FYB1: variants seen among roughly 807,000 people sequenced by gnomAD.
The protein encoded by FYB1 is FYN-binding protein 1.
In FYB1, 41 loss-of-function variants were observed where a neutral mutation model predicts 94.1. The observed-to-expected ratio is 0.44, with a 90% CI of 0.34 to 0.57. The LOEUF is 0.57. Ranked by LOEUF, FYB1 falls within the 20% of genes least tolerant of loss-of-function variation. The probability of loss-of-function intolerance (pLI) is 0.02; values close to 1 mark genes in which losing one functional copy is unlikely to be tolerated. For synonymous variants in FYB1, 367 were observed against 353.2 expected, an observed-to-expected ratio of 1.04 and a Z score of -0.44; for missense variants, 1,050 against 976.8, an observed-to-expected ratio of 1.07 and a Z score of -1.00.
In FYB1 at chr5:39,135,126, A is replaced by G. The variant is rs1741568959; in HGVS notation, c.1516-112T>C. 7.3e-5 allele frequency: 84 copies of G among 1,155,332 alleles called. No individual in the cohort carries two copies. The South Asian group carries it at 1.2e-3, about 16-fold the overall frequency. 71.6% of individuals were successfully genotyped at this position (1,155,332 alleles called of 1,614,324 possible). ...CAACTTGCTAAGCTACCTATAACCA[A>G]CATTTACAGGGTTTAACCAGAAATT... On this transcript the variant is annotated intron_variant, in intron 7 of 18. Transcript: ENST00000512982.
chr5:39,129,876 C>T (rs554796471), intron 10 of FYB1, among the ~76,000 whole-genome samples: 1 of 151,964 alleles, frequency 6.6e-6, no homozygotes, highest in South Asian at 2.1e-4. Context: ...AAAAATAGAA[C>T]TATCATGCAA....
At chr5:39,142,793 A>C (rs774570445) in intron 3 of FYB1, among the ~76,000 whole-genome samples, 1 of 152,200 alleles carries the variant, frequency 6.6e-6, no homozygotes, top group Non-Finnish European at 1.5e-5. Flanking sequence ...ATTCTTAAAA[A>C]TACTAGCTAC....
rs1346559793 is a variant in FYB1, at chr5:39,110,404, G to A, written c.2402-15C>T. ...GACATAACCATCTACGAAGGAAAAA[G>A]GAAATAAATTGTATCAATAATACAG... On this transcript the variant is annotated splice_polypyrimidine_tract_variant and intron_variant, in intron 16 of 18. Transcript: ENST00000512982. 1.9e-6 allele frequency: 3 copies of A among 1,571,880 alleles called. No individual in the cohort carries two copies. Among genetic ancestry groups the A allele is most frequent in the South Asian group, 1.2e-5 (1 of 85,624 alleles).
chr5:39,237,835 T>C (rs1239797663), intron 1 of FYB1, among the ~76,000 whole-genome samples: 1 of 152,056 alleles, frequency 6.6e-6, no homozygotes, highest in Non-Finnish European at 1.5e-5. Flanking sequence ...GCATTGAAAA[T>C]GGAAATCAGT....
chr5:39,180,481 C>A (rs992862741), intron 2 of FYB1, among the ~76,000 whole-genome samples: 2 of 152,188 alleles, frequency 1.3e-5, no homozygotes, highest in African/African-American at 4.8e-5. Flanking sequence ...GGGTGTTGGA[C>A]AAGACCTGTT....
intron 13 of FYB1, among the ~76,000 whole-genome samples, chr5:39,124,050 T>C (rs1740385509): frequency 6.6e-6 from 1 of 152,154 alleles, no homozygotes; most frequent in Non-Finnish European, 1.5e-5. Context: ...GTTTAAAAAC[T>C]ATCAGTCTTT....
intron 1 of FYB1, among the ~76,000 whole-genome samples, chr5:39,216,699 G>A (rs1749898412): frequency 6.6e-6 from 1 of 152,098 alleles, no homozygotes; most frequent in Non-Finnish European, 1.5e-5. Context: ...ATTTTTTGCT[G>A]CACCACCATT....
intron 1 of FYB1, among the ~76,000 whole-genome samples, chr5:39,254,800 G>T (rs1052081486): frequency 6.6e-6 from 1 of 152,140 alleles, no homozygotes; most frequent in African/African-American, 2.4e-5. Context: ...GCTGAAGACA[G>T]GACACACCAA....
intron 2 of FYB1, among the ~76,000 whole-genome samples, chr5:39,166,289 A>T (rs910503879): frequency 9.9e-5 from 15 of 152,100 alleles, no homozygotes; most frequent in African/African-American, 3.6e-4. Flanking sequence ...ATACAAAATT[A>T]TCCGGGCCTG....
chr5:39,270,702 A>T, intron 1 of FYB1: 3 of 723,436 alleles, frequency 4.1e-6, no homozygotes, highest in Non-Finnish European at 6.4e-6. Flanking sequence ...TCCAGCTTTC[A>T]CACATTGATA....
intron 3 of FYB1, among the ~76,000 whole-genome samples, chr5:39,148,218 C>T (rs1288142789): frequency 2.3e-5 from 2 of 86,458 alleles, no homozygotes; most frequent in Non-Finnish European, 4.3e-5. Context: ...TTTGTAGACG[C>T]AGGGTTTCAT....
chr5:39,224,881 A>G (rs1029157915), intron 1 of FYB1, among the ~76,000 whole-genome samples: 7 of 152,120 alleles, frequency 4.6e-5, no homozygotes, highest in Admixed American at 2.6e-4. Context: ...GTAGGAAACT[A>G]CTTGGTTAAC....
chr5:39,219,315 G>C, intron 1 of FYB1, 128 bp downstream of exon 1: 1 of 487,828 alleles, frequency 2.0e-6, no homozygotes, highest in Non-Finnish European at 2.7e-6. Flanking sequence ...TTTTCCAACA[G>C]AACATGCGTT....
chr5:39,255,525 C>T (rs1751902484), intron 1 of FYB1, among the ~76,000 whole-genome samples: 1 of 151,544 alleles, frequency 6.6e-6, no homozygotes, highest in South Asian at 2.1e-4. Flanking sequence ...CACACACGCA[C>T]ACTCAAGACT....
intron 2 of FYB1, among the ~76,000 whole-genome samples, chr5:39,167,213 A>G (rs1744817637): frequency 6.6e-6 from 1 of 152,014 alleles, no homozygotes; most frequent in Admixed American, 6.6e-5. Context: ...AAATGAGATG[A>G]TGCGGGGATC....
chr5:39,222,583 A>G (rs1280079752), upstream of FYB1, among the ~76,000 whole-genome samples: 2 of 152,244 alleles, frequency 1.3e-5, no homozygotes, highest in African/African-American at 2.4e-5. Context: ...TAAAAAACTG[A>G]AAGTTTCATT....
chr5:39,198,745 G>T (rs936704091), intron 2 of FYB1, among the ~76,000 whole-genome samples: 5 of 152,058 alleles, frequency 3.3e-5, no homozygotes, highest in Admixed American at 1.3e-4. Context: ...ATGACATTTG[G>T]TAGTTAGGTA....
chr5:39,159,467 A>G (rs1744054325), intron 2 of FYB1, among the ~76,000 whole-genome samples: 1 of 152,316 alleles, frequency 6.6e-6, no homozygotes, highest in South Asian at 2.1e-4. Flanking sequence ...TCTAAAGTAA[A>G]CACAGAATTT....
intron 3 of FYB1, among the ~76,000 whole-genome samples, chr5:39,144,515 T>C (rs752571744): frequency 6.6e-6 from 1 of 152,062 alleles, no homozygotes; most frequent in African/African-American, 2.4e-5. Context: ...TAAAAGAGAA[T>C]AACAGGCTGG....
Sources: allele counts gnomAD v4.1 joint callset (sites outside exome capture counted in the v4.1 genomes callset), GRCh38; gene constraint gnomAD v4.1.1; transcripts MANE v1.5; gene names NCBI Gene and HGNC (gene_info 2026-07-23, HGNC 2026-07-21).